The following CYLD variants were observed in gnomAD, a reference collection of about 807,000 sequenced individuals.
CYLD encodes the protein ubiquitin carboxyl-terminal hydrolase CYLD.
Under a neutral mutation model 104.5 loss-of-function variants are expected in CYLD, and 26 were observed. That is an observed-to-expected ratio of 0.25 (90% CI 0.18 to 0.35). The LOEUF (loss-of-function observed/expected upper bound fraction) is 0.35, where lower values mean the gene tolerates loss of function less well. Among genes scored for constraint, CYLD ranks in the 10% least tolerant of loss-of-function variants. CYLD has a pLI of 1.00. For synonymous variants in CYLD, 385 were observed against 399.9 expected (o/e 0.96, Z 0.45); for missense variants, 703 against 1,136.1 (o/e 0.62, Z 5.48).
chr16:50,789,144 T>A (rs1971165030), intron 14 of CYLD, among the ~76,000 whole-genome samples: 3 of 152,202 alleles, frequency 2.0e-5, no homozygotes, highest in Admixed American at 2.0e-4. Context: ...GATACTAGCA[T>A]ATGATTAGAA....
At position 50,777,991 on chromosome 16, in the gene CYLD, A is replaced by G. The variant is rs751152120; in HGVS notation, c.1138+50A>G. The G allele has an allele frequency of 3.7e-6, 4 of 1,086,390 alleles. No homozygotes were observed. The East Asian group carries it at 9.5e-5, about 26-fold the overall frequency. The allele number at this position is 1,086,390 out of a possible 1,614,324, so 67.3% of individuals were successfully genotyped here. ...TATAATGATCCTTTCTTTCTAACTC[A>G]TCAGAGAAAAATGGTTTTTTATATC... On this transcript the variant is annotated intron_variant, in intron 8 of 18. Transcript: ENST00000427738.
Position 50,787,837 on chromosome 16 carries a change from C to A in CYLD, c.2093C>A (p.Pro698His). The change falls in exon 14 of 19, where the codon CCT (proline) becomes CAT (histidine). Residue 698 changes from proline to histidine, a missense_variant. Pro to His is a moderately conservative substitution (Grantham distance 77, BLOSUM62 -2). Transcript: ENST00000427738. The stretch of plus-strand genomic sequence containing the variant: ...TTTCATCATATTTTAAGGGTAGAAC[C>A]TTTGCTAAAAATAAGGTAACCTTTA... Reference protein sequence around the residue: ...ILFHHILRVEPLLKIRSAGQK... With the variant: ...ILFHHILRVEHLLKIRSAGQK... 6.5e-7 allele frequency: 1 copy of A among 1,532,680 alleles called. No individual in the cohort carries two copies. The highest frequency in any genetic ancestry group is 1.1e-5 in the South Asian group (1 of 88,100). 94.9% of individuals were successfully genotyped at this position (1,532,680 alleles called of 1,614,324 possible). A position where few individuals can be genotyped will look rare whatever the true frequency, so the allele number is the denominator to read the frequency against.
chr16:50,794,000 C>T (rs1971711162), intron 17 of CYLD, among the ~76,000 whole-genome samples: 1 of 151,112 alleles, frequency 6.6e-6, no homozygotes, highest in Non-Finnish European at 1.5e-5. Flanking sequence ...CGATCTCGGC[C>T]CACTGCAACC....
chr16:50,784,382 A>G lies in CYLD; in HGVS notation c.1880A>G (p.Lys627Arg), dbSNP rs1222939528. ...LDTVLLRPKE[K>R]NDVEYYSETQ... ...ACTGTGTTACTTAGACCCAAAGAAA[A>G]GAACGATGTAGAATATTATAGTGAA... Residue 627 changes from lysine to arginine, a missense_variant, in exon 12 of 19, where the codon AAG becomes AGG. Coordinates refer to ENST00000427738, the MANE Select transcript of CYLD (RefSeq NM_001378743.1). 1 of 1,613,492 alleles carries G rather than the reference A, an allele frequency of 6.2e-7. No homozygotes were observed. Among genetic ancestry groups the G allele is most frequent in the Non-Finnish European group, 8.5e-7 (1 of 1,179,658 alleles).
Position 50,782,321 on chromosome 16 carries a change from T to C in CYLD, c.1685-4T>C. On this transcript the variant is annotated splice_region_variant and splice_polypyrimidine_tract_variant and intron_variant, in intron 10 of 18. Coordinates refer to ENST00000427738, the MANE Select transcript of CYLD (RefSeq NM_001378743.1). ...ATTTACTTTTTTTAAAAAAATCTTT[T>C]CAGCATTTGGAGGCTACTTAAGTGA... The C allele has an allele frequency of 6.3e-7, 1 of 1,593,516 alleles. No homozygotes were observed. Among genetic ancestry groups the C allele is most frequent in the East Asian group, 2.2e-5 (1 of 44,726 alleles).
chr16:50,783,572 T>C (rs1033601896), intron 11 of CYLD, among the ~76,000 whole-genome samples: 2 of 152,198 alleles, frequency 1.3e-5, no homozygotes, highest in African/African-American at 4.8e-5. Context: ...GGAGTCTCGC[T>C]GTGTCGCCCA....
At chr16:50,768,467 T>C (rs1293962340) in intron 5 of CYLD, among the ~76,000 whole-genome samples, 4 of 152,204 alleles carry the variant, frequency 2.6e-5, no homozygotes, top group Non-Finnish European at 4.4e-5. Context: ...AAGATTCTTT[T>C]CAGAGCAGTT....
At chr16:50,762,849 C>T (rs901807964) in intron 5 of CYLD, among the ~76,000 whole-genome samples, 1 of 152,102 alleles carries the variant, frequency 6.6e-6, no homozygotes, top group Non-Finnish European at 1.5e-5. Context: ...TGTAGAAATA[C>T]AATTGACTTT....
At chr16:50,786,752 ACT>A in intron 12 of CYLD, 101 bp from the exon 13 acceptor site, 1 of 846,640 alleles carries the variant, frequency 1.2e-6, no homozygotes, top group South Asian at 1.5e-5. Flanking sequence ...ATAGAGTGAG[ACT>A]CTATCTCAAA....
At chr16:50,765,753 A>G (rs1968435511) in intron 5 of CYLD, among the ~76,000 whole-genome samples, 1 of 152,222 alleles carries the variant, frequency 6.6e-6, no homozygotes, top group Non-Finnish European at 1.5e-5. Flanking sequence ...TATTGCTGAT[A>G]TGGAGAAAGG....
chr16:50,789,922 A>G (rs1971265930), intron 14 of CYLD, among the ~76,000 whole-genome samples: 1 of 152,212 alleles, frequency 6.6e-6, no homozygotes, highest in South Asian at 2.1e-4. Flanking sequence ...CAGTGTGCAC[A>G]GCTGAAGAGA....
intron 12 of CYLD, 94 bp downstream of exon 12, chr16:50,784,545 A>C: frequency 7.6e-7 from 1 of 1,308,106 alleles, no homozygotes; most frequent in Non-Finnish European, 1.1e-6. Context: ...TCTTCATGTA[A>C]TAAGAGATGG....
chr16:50,792,036 T>C (rs1971481843), intron 15 of CYLD, among the ~76,000 whole-genome samples: 1 of 152,230 alleles, frequency 6.6e-6, no homozygotes, highest in East Asian at 1.9e-4. Flanking sequence ...TAATGTTTAC[T>C]TCCCCCCTTC....
intron 5 of CYLD, among the ~76,000 whole-genome samples, chr16:50,774,257 G>A (rs1297358148): frequency 6.6e-6 from 1 of 152,150 alleles, no homozygotes; most frequent in Non-Finnish European, 1.5e-5. Flanking sequence ...TCCTTCTGAA[G>A]TATCTGTCAT....
intron 5 of CYLD, among the ~76,000 whole-genome samples, chr16:50,769,631 C>G (rs1413815498): frequency 6.6e-6 from 1 of 152,148 alleles, no homozygotes; most frequent in Non-Finnish European, 1.5e-5. Flanking sequence ...AGAGAGGGAC[C>G]CTGTGTGCCC....
intron 11 of CYLD, 71 bp downstream of exon 11, chr16:50,782,537 T>C (rs1179540746): frequency 1.6e-5 from 24 of 1,496,318 alleles, no homozygotes; most frequent in Non-Finnish European, 2.0e-5. Flanking sequence ...TGTGTGTGTG[T>C]GTGTGCGTGT....
At chr16:50,757,945 C>T (rs1337110043) in intron 5 of CYLD, among the ~76,000 whole-genome samples, 1 of 152,016 alleles carries the variant, frequency 6.6e-6, no homozygotes, top group African/African-American at 2.4e-5. Context: ...AATAAAAGGC[C>T]ATTCCTTCAT....
intron 1 of CYLD, chr16:50,742,406 C>T (rs953720567): frequency 1.7e-5 from 3 of 176,764 alleles, no homozygotes; most frequent in African/African-American, 7.1e-5. Context: ...CGGGTTTCCC[C>T]CCCCCACCGG....
rs374929114 is a variant in CYLD, at chr16:50,776,261, T to C, written c.1005T>C (p.Asn335=). 43 of 1,612,784 alleles carry C rather than the reference T, an allele frequency of 2.7e-5. No individual in the cohort carries two copies. The African/African-American group carries it at 5.6e-4, about 21-fold the overall frequency. Residue 335 remains asparagine (N), a synonymous_variant, in exon 7 of 19, where the codon AAT becomes AAC. Transcript: ENST00000427738. ...GVGDKGSSSH[N]KPKATGSTSD... ...GGGACAAAGGTTCATCCAGTCATAA[T>C]AAACCAAAGGCTACAGGTATGGATT...
Sources: allele counts gnomAD v4.1 joint callset (sites outside exome capture counted in the v4.1 genomes callset), GRCh38; gene constraint gnomAD v4.1.1; transcripts MANE v1.5; gene names NCBI Gene and HGNC (gene_info 2026-07-23, HGNC 2026-07-21).